RBFOX2: variants seen among roughly 807,000 people sequenced by gnomAD.
The protein encoded by RBFOX2 is RNA binding fox-1 homolog 2.
Under a neutral mutation model 49.1 loss-of-function variants are expected in RBFOX2, and 10 were observed. The ratio of observed to expected loss-of-function variants is 0.20; its 90% confidence interval spans 0.13 to 0.35. RBFOX2 has a LOEUF of 0.35. Ranked by LOEUF, RBFOX2 falls within the 10% of genes least tolerant of loss-of-function variation. The probability of loss-of-function intolerance (pLI) is 1.00; values close to 1 mark genes in which losing one functional copy is unlikely to be tolerated. For synonymous variants in RBFOX2, 183 were observed against 187.4 expected (o/e 0.98, Z 0.19); for missense variants, 323 against 486.9 (o/e 0.66, Z 3.17).
intron 1 of RBFOX2, among the ~76,000 whole-genome samples, chr22:35,834,629 G>C (rs960383402): frequency 6.6e-6 from 1 of 152,154 alleles, no homozygotes; most frequent in African/African-American, 2.4e-5. Context: ...TTCAAGAGTA[G>C]AACAAACCAT....
chr22:36,028,719 C>G (rs2059546287), exon 1 of RBFOX2, among the ~76,000 whole-genome samples: 1 of 151,476 alleles, frequency 6.6e-6, no homozygotes, highest in African/African-American at 2.4e-5. Context: ...CCCGGCCCGG[C>G]CCGCCGCGCC....
At chr22:36,010,321 G>A (rs1040285224) in intron 1 of RBFOX2, among the ~76,000 whole-genome samples, 1 of 152,078 alleles carries the variant, frequency 6.6e-6, no homozygotes. Context: ...AGCAACAGGG[G>A]AAACAACACA....
chr22:35,766,060 A>C (rs1205824245), intron 5 of RBFOX2, among the ~76,000 whole-genome samples: 2 of 152,234 alleles, frequency 1.3e-5, no homozygotes, highest in Non-Finnish European at 1.5e-5. Context: ...CAATTTAAGA[A>C]CAAAGCTTTT....
chr22:35,809,648 G>T, intron 2 of RBFOX2, 132 bp downstream of exon 3: 1 of 999,244 alleles, frequency 1.0e-6, no homozygotes, highest in South Asian at 1.5e-5. Flanking sequence ...CAATGCTGTT[G>T]AGAGAAGGTG....
upstream of RBFOX2, chr22:35,840,622 G>A (rs1360313309): frequency 1.8e-6 from 2 of 1,088,408 alleles, no homozygotes; most frequent in African/African-American, 3.6e-5. Flanking sequence ...ACGCGTGTGT[G>A]CGTGTGTGCG....
intron 1 of RBFOX2, among the ~76,000 whole-genome samples, chr22:35,854,575 C>T (rs942418015): frequency 6.6e-6 from 1 of 150,674 alleles, no homozygotes. Flanking sequence ...GCCTGGGCAA[C>T]ACAGCAAGAC....
intron 1 of RBFOX2, among the ~76,000 whole-genome samples, chr22:35,973,947 G>A (rs1415077582): frequency 1.3e-5 from 2 of 152,132 alleles, no homozygotes; most frequent in Admixed American, 1.3e-4. Flanking sequence ...AAACACATTC[G>A]GAGAGAAATT....
chr22:35,892,599 A>G (rs1046527640), intron 1 of RBFOX2, among the ~76,000 whole-genome samples: 5 of 152,178 alleles, frequency 3.3e-5, no homozygotes, highest in African/African-American at 9.7e-5. Flanking sequence ...TAGTCCAGTA[A>G]TTTTTCTAGA....
chr22:35,961,183 A>G (rs1406259393), intron 1 of RBFOX2, among the ~76,000 whole-genome samples: 1 of 152,230 alleles, frequency 6.6e-6, no homozygotes, highest in Non-Finnish European at 1.5e-5. Context: ...GCATTAATGA[A>G]GCATTTAACT....
At chr22:35,933,953 T>TATATATATATATATATATACATAC (rs1009021083) in intron 1 of RBFOX2, among the ~76,000 whole-genome samples, 2 of 141,072 alleles carry the variant, frequency 1.4e-5, no homozygotes, top group African/African-American at 2.8e-5. Context: ...TATATATATA[T>TATATATATATATATATATACATAC]ACACACATCA....
intron 2 of RBFOX2, among the ~76,000 whole-genome samples, chr22:35,794,995 A>T (rs1267524910): frequency 6.6e-6 from 1 of 152,202 alleles, no homozygotes; most frequent in Non-Finnish European, 1.5e-5. Flanking sequence ...CTTGAGTCTT[A>T]TATGATCCAA....
chr22:35,861,470 G>A (rs139902745), intron 1 of RBFOX2, among the ~76,000 whole-genome samples: 267 of 151,972 alleles, frequency 1.8e-3, no homozygotes, highest in African/African-American at 6.3e-3. Flanking sequence ...AACAACCCAC[G>A]TTTTTTAAAA....
intron 1 of RBFOX2, among the ~76,000 whole-genome samples, chr22:35,976,303 C>T (rs909420759): frequency 4.6e-5 from 7 of 151,944 alleles, no homozygotes; most frequent in African/African-American, 1.7e-4. Context: ...ATACCAAATC[C>T]TCCAACCAAA....
At chr22:35,827,038 G>A (rs1388309269) in intron 1 of RBFOX2, among the ~76,000 whole-genome samples, 2 of 152,134 alleles carry the variant, frequency 1.3e-5, no homozygotes, top group African/African-American at 2.4e-5. Context: ...CAACAGTCAG[G>A]TGACCATTTT....
intron 1 of RBFOX2, among the ~76,000 whole-genome samples, chr22:35,912,274 G>A (rs1206071816): frequency 6.6e-6 from 1 of 152,202 alleles, no homozygotes; most frequent in Non-Finnish European, 1.5e-5. Context: ...CCTCAAGAGA[G>A]GAAGGGAGAA....
upstream of RBFOX2, among the ~76,000 whole-genome samples, chr22:35,942,600 T>C (rs572245779): frequency 2.0e-5 from 3 of 151,712 alleles, no homozygotes; most frequent in East Asian, 5.8e-4. Context: ...CAGGTCATAT[T>C]AAATGACAGC....
upstream of RBFOX2, chr22:35,840,685 C>A: frequency 1.1e-6 from 1 of 947,966 alleles, no homozygotes; most frequent in Non-Finnish European, 1.3e-6. Context: ...GAGGGGCAAG[C>A]GCCATGTGCT....
intron 1 of RBFOX2, among the ~76,000 whole-genome samples, chr22:35,825,981 CAAAAAAAAAAA>C (rs901630936): frequency 2.3e-4 from 9 of 39,860 alleles, no homozygotes; most frequent in African/African-American, 6.6e-4. Context: ...GACTCCGCTT[CAAAAAAAAAAA>C]AAAAAAAAAA....
intron 1 of RBFOX2, among the ~76,000 whole-genome samples, chr22:35,955,593 C>A (rs2149888970): frequency 6.6e-6 from 1 of 152,202 alleles, no homozygotes; most frequent in South Asian, 2.1e-4. Flanking sequence ...TGTTCCACCT[C>A]AAGTCATCAG....
Sources: gnomAD v4.1 joint callset for allele counts (sites outside exome capture counted in the v4.1 genomes callset) on GRCh38, gnomAD v4.1.1 for gene constraint, MANE v1.5 for transcripts, NCBI Gene and HGNC (gene_info 2026-07-23, HGNC 2026-07-21) for gene names.